The following COLEC10 variants were observed in gnomAD, a reference collection of about 807,000 sequenced individuals.
The protein encoded by COLEC10 is collectin-10.
In COLEC10, 22 loss-of-function variants were observed where a neutral mutation model predicts 28.4. That is an observed-to-expected ratio of 0.78 (90% confidence interval 0.55 to 1.11). The LOEUF is 1.11. COLEC10 is among the 50% of genes least tolerant of loss of function. The pLI, the probability that COLEC10 is intolerant of heterozygous loss-of-function variation, is 0.00. For missense variants in COLEC10, 361 were observed against 344.1 expected, an observed-to-expected ratio of 1.05 and a Z score of -0.39; for synonymous variants, 125 against 116.1, an observed-to-expected ratio of 1.08 and a Z score of -0.49.
chr8:118,981,437 A>G, the COLEC10 span, among the ~76,000 whole-genome samples: 1 of 152,090 alleles, frequency 6.6e-6, no homozygotes, highest in East Asian at 1.9e-4. Flanking sequence ...TAATGCTTTT[A>G]GGAATACTAT....
upstream of COLEC10, among the ~76,000 whole-genome samples, chr8:119,065,878 A>G (rs1031324185): frequency 3.3e-5 from 5 of 151,970 alleles, no homozygotes; most frequent in Non-Finnish European, 7.4e-5. Context: ...GAAAAAAGAA[A>G]AGAAAAAGAA....
chr8:119,078,791 C>CT (rs1031175999), intron 1 of COLEC10, among the ~76,000 whole-genome samples: 9 of 152,076 alleles, frequency 5.9e-5, no homozygotes, highest in Non-Finnish European at 1.2e-4. Flanking sequence ...ATACAGTTAT[C>CT]AAAGGTAATG....
chr8:118,954,281 G>A, the COLEC10 span, among the ~76,000 whole-genome samples: 1 of 152,200 alleles, frequency 6.6e-6, no homozygotes, highest in Non-Finnish European at 1.5e-5. Flanking sequence ...GGGCCTAACT[G>A]TGGGCCCTTT....
At chr8:118,982,550 G>A in the COLEC10 span, 10 of 181,918 alleles carry the variant, frequency 5.5e-5, no homozygotes, top group Non-Finnish European at 1.2e-4. Context: ...AAGTGCTGTA[G>A]GCCAGAACAT....
At chr8:118,977,186 G>C in the COLEC10 span, among the ~76,000 whole-genome samples, 1 of 144,722 alleles carries the variant, frequency 6.9e-6, no homozygotes, top group Non-Finnish European at 1.5e-5. Flanking sequence ...GTGGAAGTCA[G>C]TGTGGCGATT....
chr8:118,966,218 G>A, the COLEC10 span, among the ~76,000 whole-genome samples: 1 of 152,098 alleles, frequency 6.6e-6, no homozygotes, highest in Non-Finnish European at 1.5e-5. Context: ...ACTGTTTGTT[G>A]ATTATACATG....
At chr8:118,968,321 A>G in the COLEC10 span, among the ~76,000 whole-genome samples, 2,587 of 152,058 alleles carry the variant, frequency 0.017, 63 homozygotes, top group African/African-American at 0.058. Flanking sequence ...GAAACTCTGT[A>G]ACTAAAATCT....
chr8:119,034,193 G>A (rs1330793144), intron 2 of COLEC10, among the ~76,000 whole-genome samples: 1 of 152,060 alleles, frequency 6.6e-6, no homozygotes, highest in African/African-American at 2.4e-5. Context: ...GTTGAACAAT[G>A]AGAACACATG....
the COLEC10 span, among the ~76,000 whole-genome samples, chr8:118,985,922 C>T: frequency 0.014 from 2,097 of 151,992 alleles, 51 homozygotes; most frequent in African/African-American, 0.048. Context: ...AAGTTTTCAC[C>T]GTCTTTCAAC....
At chr8:119,073,160 A>G (rs1022955947) in intron 1 of COLEC10, among the ~76,000 whole-genome samples, 5 of 152,216 alleles carry the variant, frequency 3.3e-5, no homozygotes, top group African/African-American at 1.2e-4. Flanking sequence ...AGGTAAAATA[A>G]CTTGTTCTAG....
the COLEC10 span, among the ~76,000 whole-genome samples, chr8:118,977,457 G>A: frequency 1.4e-5 from 2 of 146,128 alleles, no homozygotes; most frequent in African/African-American, 5.1e-5. Flanking sequence ...GTAGGGACAT[G>A]GATGAAATTG....
intron 1 of COLEC10, among the ~76,000 whole-genome samples, chr8:119,077,665 C>A (rs764897467): frequency 7.2e-5 from 11 of 152,152 alleles, no homozygotes; most frequent in Non-Finnish European, 1.6e-4. Context: ...AGTCTTAGAG[C>A]AAAGGATGTT....
chr8:119,077,810 A>AGCAGGG (rs1563736595), intron 1 of COLEC10, among the ~76,000 whole-genome samples: 1 of 152,198 alleles, frequency 6.6e-6, no homozygotes, highest in Admixed American at 6.5e-5. Context: ...ATAATAACTT[A>AGCAGGG]TTATACTTGT....
chr8:119,104,323 AGTAT>A (rs1331082808), intron 5 of COLEC10, among the ~76,000 whole-genome samples: 1 of 152,186 alleles, frequency 6.6e-6, no homozygotes, highest in Non-Finnish European at 1.5e-5. Flanking sequence ...TTGTTTATGT[AGTAT>A]GTAGTTACTA....
At chr8:118,965,577 G>A in the COLEC10 span, among the ~76,000 whole-genome samples, 44,328 of 151,772 alleles carry the variant, frequency 0.29, 6,918 homozygotes, top group Middle Eastern at 0.41. Flanking sequence ...GGTTGGGAAA[G>A]TGTGTGCCTG....
chr8:118,982,158 T>C, the COLEC10 span, among the ~76,000 whole-genome samples: 3 of 152,146 alleles, frequency 2.0e-5, no homozygotes, highest in Non-Finnish European at 4.4e-5. Flanking sequence ...ATTCTTTTAA[T>C]ACTTACCTAT....
chr8:119,066,981 C>T (rs1035983702), upstream of COLEC10, among the ~76,000 whole-genome samples: 1 of 152,176 alleles, frequency 6.6e-6, no homozygotes, highest in African/African-American at 2.4e-5. Flanking sequence ...AAGTACTCAG[C>T]AGAAGGCATC....
the COLEC10 span, among the ~76,000 whole-genome samples, chr8:118,981,632 C>G: frequency 2.6e-5 from 4 of 152,070 alleles, no homozygotes; most frequent in Admixed American, 6.6e-5. Flanking sequence ...GCATTTCCAT[C>G]AAGTCATTGA....
rs1815993475 is a variant in COLEC10, at chr8:119,108,287, A to G, written c.*2096A>G. 6.6e-6 allele frequency among the ~76,000 whole-genome samples: 1 copy of G among 152,190 alleles called. No individual in the cohort carries two copies. Among genetic ancestry groups the G allele is most frequent in the South Asian group, 2.1e-4 (1 of 4,826 alleles). The stretch of plus-strand genomic sequence containing the variant: ...CTGTAGGAAAATAAAGCTCATATGT[A>G]AGAAGAGAGGAAGGAGAGACATGCA... On this transcript the variant is annotated 3_prime_UTR_variant, in exon 6 of 6. Transcript: ENST00000332843.
Sources: allele counts gnomAD v4.1 joint callset (sites outside exome capture counted in the v4.1 genomes callset), GRCh38; gene constraint gnomAD v4.1.1; transcripts MANE v1.5; gene names NCBI Gene and HGNC (gene_info 2026-07-23, HGNC 2026-07-21).